LRMDA: variants seen among roughly 807,000 people sequenced by gnomAD.
LRMDA encodes leucine-rich melanocyte differentiation-associated protein.
LRMDA carries 18 observed loss-of-function variants against 29.8 expected under a neutral mutation model. That is an observed-to-expected ratio of 0.60 (90% CI 0.42 to 0.90). The LOEUF (loss-of-function observed/expected upper bound fraction) is 0.90, where lower values mean the gene tolerates loss of function less well. Among genes scored for constraint, LRMDA ranks in the 40% least tolerant of loss-of-function variants. The pLI is 0.00. For synonymous variants in LRMDA, 125 were observed against 109.4 expected (o/e 1.14, Z -0.89); for missense variants, 273 against 273.9 (o/e 1.00, Z 0.02).
intron 2 of LRMDA, among the ~76,000 whole-genome samples, chr10:75,624,367 C>T (rs1382944022): frequency 2.6e-5 from 4 of 152,080 alleles, no homozygotes; most frequent in African/African-American, 9.7e-5. Flanking sequence ...TAGAATATGT[C>T]TTTTTATCCA....
At chr10:76,528,820 G>T (rs1348204677) in intron 6 of LRMDA, among the ~76,000 whole-genome samples, 1 of 152,032 alleles carries the variant, frequency 6.6e-6, no homozygotes, top group Non-Finnish European at 1.5e-5. Context: ...CAACAGACTG[G>T]CTCCCATCCT....
chr10:76,224,939 T>C (rs1269528903), intron 5 of LRMDA, among the ~76,000 whole-genome samples: 1 of 152,144 alleles, frequency 6.6e-6, no homozygotes, highest in Non-Finnish European at 1.5e-5. Flanking sequence ...TCTATATTTC[T>C]TTGTAAATGT....
rs1300959903 is a variant in LRMDA, at chr10:76,476,194, G to A, written c.602-81015G>A. On this transcript the variant is annotated intron_variant, in intron 6 of 6. Transcript: ENST00000611255. ...TAAAAGAGAGAAGAATCAAATAGAC[G>A]CAATAAAAAATGACAAAGGGGATAT... Among the ~76,000 whole-genome samples, 33 of 151,934 alleles carry A rather than the reference G, an allele frequency of 2.2e-4. No homozygotes were observed. The South Asian group carries it at 2.5e-3, about 11-fold the overall frequency.
At chr10:76,308,489 G>A (rs1162677517) in intron 5 of LRMDA, among the ~76,000 whole-genome samples, 6 of 152,074 alleles carry the variant, frequency 3.9e-5, no homozygotes, top group East Asian at 1.9e-4. Flanking sequence ...TCCATGGACC[G>A]AGACAGGTAA....
chr10:75,667,373 T>C (rs1841836154), intron 2 of LRMDA, among the ~76,000 whole-genome samples: 1 of 152,244 alleles, frequency 6.6e-6, no homozygotes, highest in Non-Finnish European at 1.5e-5. Flanking sequence ...GGCACGATCA[T>C]GACTCACTGC....
intron 2 of LRMDA, among the ~76,000 whole-genome samples, chr10:75,833,717 G>C (rs1435793484): frequency 6.6e-6 from 1 of 152,174 alleles, no homozygotes; most frequent in Non-Finnish European, 1.5e-5. Context: ...GAGCCGCTAA[G>C]TATAATCCAT....
At chr10:75,503,111 GC>G (rs1175933527) in intron 2 of LRMDA, among the ~76,000 whole-genome samples, 2 of 152,108 alleles carry the variant, frequency 1.3e-5, no homozygotes, top group African/African-American at 4.8e-5. Context: ...AAGTGCAAAA[GC>G]CAGGCAGGGA....
At chr10:75,808,210 A>T (rs1387574564) in intron 2 of LRMDA, among the ~76,000 whole-genome samples, 1 of 152,134 alleles carries the variant, frequency 6.6e-6, no homozygotes, top group Non-Finnish European at 1.5e-5. Flanking sequence ...TCATCTGGGA[A>T]ATGTCTTTCT....
At chr10:76,094,342 A>G (rs1849280344) in intron 5 of LRMDA, among the ~76,000 whole-genome samples, 2 of 152,220 alleles carry the variant, frequency 1.3e-5, no homozygotes, top group African/African-American at 4.8e-5. Flanking sequence ...TTGTATTTTT[A>G]TATATTAACT....
chr10:76,472,012 A>C (rs1429938761), intron 6 of LRMDA, among the ~76,000 whole-genome samples: 2 of 151,768 alleles, frequency 1.3e-5, no homozygotes, highest in African/African-American at 4.8e-5. Flanking sequence ...TTAATAACAG[A>C]TAGAACAACT....
intron 5 of LRMDA, among the ~76,000 whole-genome samples, 192 bp downstream of exon 5, chr10:76,058,975 A>G (rs1848661624): frequency 1.3e-5 from 2 of 152,228 alleles, no homozygotes; most frequent in Non-Finnish European, 2.9e-5. Context: ...CTGTTTTACC[A>G]ATAAAGCAGC....
At chr10:76,109,428 C>T (rs186706063) in intron 5 of LRMDA, among the ~76,000 whole-genome samples, 44 of 152,308 alleles carry the variant, frequency 2.9e-4, no homozygotes, top group African/African-American at 9.4e-4. Flanking sequence ...TCAATTTTTT[C>T]GTCCTCTGGG....
intron 5 of LRMDA, among the ~76,000 whole-genome samples, chr10:76,081,430 G>C (rs887949766): frequency 6.6e-6 from 1 of 152,334 alleles, no homozygotes; most frequent in Non-Finnish European, 1.5e-5. Context: ...TCCAAGCTGG[G>C]TGACAGAATG....
At chr10:75,754,790 C>T (rs560371961) in intron 2 of LRMDA, among the ~76,000 whole-genome samples, 34 of 152,030 alleles carry the variant, frequency 2.2e-4, no homozygotes, top group Non-Finnish European at 3.2e-4. Context: ...CTCTCTCTCC[C>T]CTCTTTCTCT....
chr10:76,264,449 A>C lies in LRMDA; in HGVS notation c.517-59952A>C, dbSNP rs796112806. On this transcript the variant is annotated intron_variant, in intron 5 of 6. Coordinates refer to ENST00000611255, the MANE Select transcript of LRMDA (RefSeq NM_001305581.2). Reference sequence around the variant, plus strand: ...AAAAAAAAAAAAAAAAAAAAAAAAAAAAAAAAAACACGGAAGCAGATTGAA... The same window carrying C: ...AAAAAAAAAAAAAAAAAAAAAAAAACAAAAAAAACACGGAAGCAGATTGAA... Among the ~76,000 whole-genome samples, 429 of 112,068 alleles carry C rather than the reference A, an allele frequency of 3.8e-3. 9 individuals carry two copies. Among genetic ancestry groups the C allele is most frequent in the African/African-American group, 0.014 (406 of 28,350 alleles). The allele number at this position is 112,068 out of a possible 152,430, so 73.5% of individuals were successfully genotyped here.
intron 2 of LRMDA, among the ~76,000 whole-genome samples, chr10:75,573,420 A>G (rs1368380183): frequency 2.0e-5 from 3 of 152,082 alleles, no homozygotes; most frequent in Non-Finnish European, 4.4e-5. Flanking sequence ...TCCTATTAGA[A>G]TGTGTGATGG....
intron 2 of LRMDA, among the ~76,000 whole-genome samples, chr10:75,537,371 G>A (rs948690734): frequency 2.0e-5 from 3 of 152,144 alleles, no homozygotes; most frequent in African/African-American, 7.2e-5. Flanking sequence ...GTTCTGCTCT[G>A]ATTCTGCCTA....
intron 2 of LRMDA, among the ~76,000 whole-genome samples, chr10:75,798,570 T>C (rs1242028044): frequency 6.6e-6 from 1 of 152,118 alleles, no homozygotes; most frequent in East Asian, 1.9e-4. Flanking sequence ...GATTTTAAGC[T>C]TTTCATGTTT....
Position 76,310,560 on chromosome 10 carries a change from G to A in LRMDA, c.517-13841G>A, listed in dbSNP as rs924164494. The stretch of plus-strand genomic sequence containing the variant: ...ATTTCACAAAGGAAACTACCATTTT[G>A]TTAGGTCTGAGTTTTGTTTCTAAGC... On this transcript the variant is annotated intron_variant, in intron 5 of 6. Coordinates refer to ENST00000611255, the MANE Select transcript of LRMDA (RefSeq NM_001305581.2). Among the ~76,000 whole-genome samples the A allele has an allele frequency of 3.3e-5, 5 of 152,108 alleles. No individual in the cohort carries two copies. The South Asian group carries it at 1.0e-3, about 32-fold the overall frequency.
Sources: allele counts gnomAD v4.1 joint callset (sites outside exome capture counted in the v4.1 genomes callset), GRCh38; gene constraint gnomAD v4.1.1; transcripts MANE v1.5; gene names NCBI Gene and HGNC (gene_info 2026-07-23, HGNC 2026-07-21).